CHRDL1: variants seen among roughly 807,000 people sequenced by gnomAD.
CHRDL1 encodes chordin like 1.
In CHRDL1, 19 loss-of-function variants were observed where a neutral mutation model predicts 40.9. That is an observed-to-expected ratio of 0.46 (90% CI 0.32 to 0.68). The LOEUF (loss-of-function observed/expected upper bound fraction) is 0.68. Ranked by LOEUF, CHRDL1 falls within the 30% of genes least tolerant of loss-of-function variation. The pLI, the probability that CHRDL1 is intolerant of heterozygous loss-of-function variation, is 0.03. For missense variants in CHRDL1, 329 were observed against 352.1 expected (o/e 0.93, Z 0.53); for synonymous variants, 136 against 123.4 (o/e 1.10, Z -0.68).
chrX:110,739,999 A>C (rs987636599), intron 4 of CHRDL1, among the ~76,000 whole-genome samples: 4 of 112,685 alleles, frequency 3.5e-5, no homozygotes, highest in Non-Finnish European at 7.5e-5. Flanking sequence ...ATCCAACGGC[A>C]TGTAAGACCT....
chrX:110,689,516 CTATATATCTATCTA>C lies in CHRDL1; in HGVS notation c.779-727_779-714del, dbSNP rs2070132837. Among the ~76,000 whole-genome samples, 2 of 34,060 alleles carry C rather than the reference CTATATATCTATCTA, an allele frequency of 5.9e-5. 1 individual carries two copies. Among genetic ancestry groups the C allele is most frequent in the African/African-American group, 8.0e-4 (2 of 2,504 alleles). 29.6% of individuals were successfully genotyped at this position (34,060 alleles called of 115,157 possible). A position where few individuals can be genotyped will look rare whatever the true frequency, so the allele number is the denominator to read the frequency against. Reference sequence around the variant, plus strand: ...TCTATATATCTATATATCTATATCTCTATATATCTATCTATATATCTCTATATCTCTATATATCT... The same window carrying C: ...TCTATATATCTATATATCTATATCTCTATATCTCTATATCTCTATATATCT... On this transcript the variant is annotated intron_variant, in intron 8 of 11. Transcript: ENST00000372042.
chrX:110,757,046 G>C (rs1228295211), intron 4 of CHRDL1, among the ~76,000 whole-genome samples: 1 of 111,296 alleles, frequency 9.0e-6, no homozygotes, highest in East Asian at 2.8e-4. Context: ...GGCCTAAATA[G>C]TATGCATGGA....
rs1312576730 is a variant in CHRDL1, at chrX:110,674,777, T to G, written c.*1454A>C. The G allele has an allele frequency of 8.9e-6, 1 of 112,238 alleles. No individual in the cohort carries two copies. The highest frequency in any genetic ancestry group is 1.9e-5 in the Non-Finnish European group (1 of 53,207). The allele number at this position is 112,238 out of a possible 1,213,427, so 9.2% of individuals were successfully genotyped here. Reference sequence around the variant, plus strand: ...TGGGGTTTCTGGGTCCTTAAAACATTTCTACAGTTCATTCCTGCCCCTCAG... The same window carrying G: ...TGGGGTTTCTGGGTCCTTAAAACATGTCTACAGTTCATTCCTGCCCCTCAG... On this transcript the variant is annotated 3_prime_UTR_variant, in exon 12 of 12. Transcript: ENST00000372042.
At chrX:110,722,108 G>A (rs759567955) in intron 4 of CHRDL1, among the ~76,000 whole-genome samples, 37 of 110,072 alleles carry the variant, frequency 3.4e-4, no homozygotes, top group African/African-American at 1.2e-3. Context: ...AGCAATTCTC[G>A]TGCCTCAGCC....
chrX:110,759,684 T>C lies in CHRDL1; in HGVS notation c.278A>G (p.His93Arg), dbSNP rs778431311. ...ACCTGGGCAGCGAGGGCAGCACAGA[T>C]GAGGAATATGCACAGGAGAAAGGCA... ...VHCLSPVHIP[H>R]LCCPRCPEDS... is the part of the protein sequence containing the mutation. Residue 93 changes from histidine to arginine, a missense_variant, in exon 4 of 12, where the codon CAT becomes CGT. Transcript: ENST00000372042. The C allele has an allele frequency of 4.2e-5, 50 of 1,200,738 alleles. No individual in the cohort carries two copies. The South Asian group carries it at 7.9e-4, about 19-fold the overall frequency.
intron 4 of CHRDL1, among the ~76,000 whole-genome samples, 151 bp from the exon 5 acceptor site, chrX:110,721,681 A>T (rs1270848652): frequency 8.9e-6 from 1 of 112,288 alleles, no homozygotes; most frequent in Non-Finnish European, 1.9e-5. Flanking sequence ...ATGTTAAAAC[A>T]GCCAGACAAG....
At chrX:110,788,318 C>A (rs1157758855) in intron 2 of CHRDL1, among the ~76,000 whole-genome samples, 2 of 111,985 alleles carry the variant, frequency 1.8e-5, no homozygotes, top group South Asian at 7.5e-4. Flanking sequence ...TTGTGATGAG[C>A]TTTCCACAAA....
intron 2 of CHRDL1, among the ~76,000 whole-genome samples, chrX:110,785,438 T>C (rs889501771): frequency 9.0e-6 from 1 of 111,728 alleles, no homozygotes; most frequent in African/African-American, 3.3e-5. Context: ...AGAAGAAGTA[T>C]GGGGAATGAG....
chrX:110,774,207 A>G, intron 2 of CHRDL1, among the ~76,000 whole-genome samples: 1 of 112,064 alleles, frequency 8.9e-6, no homozygotes, highest in Middle Eastern at 4.6e-3. Context: ...TCTCTTGATT[A>G]GAGCTAGCAC....
intron 4 of CHRDL1, among the ~76,000 whole-genome samples, chrX:110,743,761 A>G (rs2071401620): frequency 8.9e-6 from 1 of 112,074 alleles, no homozygotes; most frequent in African/African-American, 3.2e-5. Flanking sequence ...GACAAGCACA[A>G]GGGCTCCCTA....
At chrX:110,692,308 A>G (rs1193160037) in intron 8 of CHRDL1, among the ~76,000 whole-genome samples, 2 of 111,627 alleles carry the variant, frequency 1.8e-5, no homozygotes, top group Non-Finnish European at 3.8e-5. Flanking sequence ...TATCGAGATG[A>G]TTTTGAATCA....
At chrX:110,705,304 T>TATATATACACAC (rs1491498596) in intron 6 of CHRDL1, among the ~76,000 whole-genome samples, 158 of 77,584 alleles carry the variant, frequency 2.0e-3, no homozygotes, top group African/African-American at 8.1e-3. Context: ...TATATATATA[T>TATATATACACAC]ACACACACAC....
At chrX:110,768,003 T>C (rs1263569614) in intron 2 of CHRDL1, among the ~76,000 whole-genome samples, 1 of 112,172 alleles carries the variant, frequency 8.9e-6, no homozygotes, top group Admixed American at 9.4e-5. Context: ...TAGTCAGCAA[T>C]ACAAAATTTT....
At chrX:110,778,756 A>C (rs1268164102) in intron 2 of CHRDL1, among the ~76,000 whole-genome samples, 4 of 111,922 alleles carry the variant, frequency 3.6e-5, no homozygotes, top group African/African-American at 9.7e-5. Context: ...TTGGGTATAC[A>C]CCCAAAGGAA....
intron 8 of CHRDL1, among the ~76,000 whole-genome samples, chrX:110,689,234 A>C (rs12006632): frequency 0.54 from 48,040 of 89,723 alleles, 10,787 homozygotes; most frequent in African/African-American, 0.82. Flanking sequence ...GCTGGGACTA[A>C]CATGCACCAC....
At chrX:110,770,268 A>G (rs1160948586) in intron 2 of CHRDL1, among the ~76,000 whole-genome samples, 2 of 112,250 alleles carry the variant, frequency 1.8e-5, no homozygotes, top group Non-Finnish European at 3.8e-5. Context: ...CATTATACAT[A>G]ATCCCAGTAC....
Position 110,695,863 on chromosome X carries a change from A to G in CHRDL1, c.610-1532T>C, listed in dbSNP as rs777970320. Reference sequence around the variant, plus strand: ...TAAGAGGACCTTTTTTAGCCTTTTGAAAGACAATGTTATTCTATCTAAGAA... The same window carrying G: ...TAAGAGGACCTTTTTTAGCCTTTTGGAAGACAATGTTATTCTATCTAAGAA... On this transcript the variant is annotated intron_variant, in intron 7 of 11. Coordinates refer to ENST00000372042, the MANE Select transcript of CHRDL1 (RefSeq NM_001143981.2). Among the ~76,000 whole-genome samples the G allele has an allele frequency of 2.7e-5, 3 of 112,271 alleles. No homozygotes were observed. The East Asian group carries it at 8.4e-4, about 31-fold the overall frequency.
intron 2 of CHRDL1, among the ~76,000 whole-genome samples, chrX:110,780,218 T>C (rs758688691): frequency 7.2e-5 from 8 of 111,271 alleles, no homozygotes; most frequent in Non-Finnish European, 1.5e-4. Context: ...TTTCAGTTCA[T>C]TCAGTTTTTT....
chrX:110,748,881 G>A (rs1282071173), intron 4 of CHRDL1, among the ~76,000 whole-genome samples: 1 of 112,077 alleles, frequency 8.9e-6, no homozygotes, highest in African/African-American at 3.2e-5. Flanking sequence ...GGAGATGGAT[G>A]GTGGAGATGG....
Sources: allele counts gnomAD v4.1 joint callset (sites outside exome capture counted in the v4.1 genomes callset), GRCh38; gene constraint gnomAD v4.1.1; transcripts MANE v1.5; gene names NCBI Gene and HGNC (gene_info 2026-07-23, HGNC 2026-07-21).